Variants in ALG13 observed in about 807,000 individuals in gnomAD.
ALG13 encodes the protein ALG13 UDP-N-acetylglucosaminyltransferase subunit, also known as UDP-N-acetylglucosamine transferase subunit ALG13.
A neutral mutation model predicts 87.8 loss-of-function variants in ALG13; 11 were observed. The observed-to-expected ratio is 0.13, with a 90% CI of 0.08 to 0.21. The LOEUF (loss-of-function observed/expected upper bound fraction) is 0.21. Ranked by LOEUF, ALG13 falls within the 10% of genes least tolerant of loss-of-function variation. ALG13 has a pLI of 1.00. For synonymous variants in ALG13, 320 were observed against 306.3 expected, an observed-to-expected ratio of 1.04 and a Z score of -0.47; for missense variants, 756 against 866.1, an observed-to-expected ratio of 0.87 and a Z score of 1.60.
intron 5 of ALG13, among the ~76,000 whole-genome samples, chrX:111,710,170 A>G (rs958905773): frequency 9.1e-6 from 1 of 109,809 alleles, no homozygotes; most frequent in African/African-American, 3.3e-5. Context: ...ACTTGGGACT[A>G]CAGGCACACG....
intron 24 of ALG13, among the ~76,000 whole-genome samples, chrX:111,747,580 G>A (rs1220415162): frequency 9.0e-6 from 1 of 110,988 alleles, no homozygotes; most frequent in Non-Finnish European, 1.9e-5. Context: ...TCTGCCTCCC[G>A]GGCTCAAGCA....
intron 21 of ALG13, chrX:111,734,263 C>G (rs1168947298): frequency 3.6e-5 from 4 of 112,584 alleles, no homozygotes. Context: ...ACATTTATTT[C>G]TACTTCTTAT....
intron 22 of ALG13, among the ~76,000 whole-genome samples, chrX:111,736,198 G>T (rs1334453439): frequency 9.0e-6 from 1 of 111,510 alleles, no homozygotes; most frequent in Non-Finnish European, 1.9e-5. Context: ...AAGCTACTCA[G>T]GAGGCTGAGG....
rs181327828 is a variant in ALG13 at position 111,757,247 on chromosome X, C to T, written c.2974-341C>T. On this transcript the variant is annotated intron_variant, in intron 25 of 26. Transcript: ENST00000394780. ...TCGTTGCCTGTATAGTATTTCATTACGGGTATATAATTTATCCAGTTCCCT... is the reference window on the plus strand; with the variant it reads ...TCGTTGCCTGTATAGTATTTCATTATGGGTATATAATTTATCCAGTTCCCT... 97 of 153,352 alleles carry T rather than the reference C, an allele frequency of 6.3e-4. No homozygotes were observed. In the East Asian group the frequency reaches 8.6e-3, roughly 14 times the overall value. The allele number at this position is 153,352 out of a possible 1,213,427, so 12.6% of individuals were successfully genotyped here.
intron 23 of ALG13, among the ~76,000 whole-genome samples, chrX:111,743,171 A>G (rs1316022480): frequency 8.9e-6 from 1 of 111,787 alleles, no homozygotes; most frequent in African/African-American, 3.2e-5. Flanking sequence ...ACATTCTACT[A>G]TCTTCAGCTA....
intron 3 of ALG13, among the ~76,000 whole-genome samples, chrX:111,698,255 C>T (rs1415017327): frequency 8.9e-6 from 1 of 111,794 alleles, no homozygotes; most frequent in Non-Finnish European, 1.9e-5. Flanking sequence ...ATTTACACGT[C>T]ACAATTGTAT....
rs114393695 is a variant in ALG13 at position 111,709,242 on chromosome X, A to G, written c.834+194A>G. ...CTAGAATTAGGTTGTTTAGGACTCT[A>G]ATTAAAAATCAAGAATAATCTACAT... On this transcript the variant is annotated intron_variant, in intron 5 of 26. Transcript: ENST00000394780. 0.023 allele frequency among the ~76,000 whole-genome samples: 2,575 copies of G among 112,017 alleles called. 63 individuals carry two copies. Among genetic ancestry groups the G allele is most frequent in the African/African-American group, 0.079 (2,445 of 30,797 alleles).
At chrX:111,686,076 C>A in intron 3 of ALG13, 1 of 789,580 alleles carries the variant, frequency 1.3e-6, no homozygotes. Flanking sequence ...TATTAGAATT[C>A]AACAGGAACT....
At chrX:111,706,509 C>T (rs1938791288) in intron 3 of ALG13, 1 of 112,024 alleles carries the variant, frequency 8.9e-6, no homozygotes, top group Admixed American at 9.5e-5. Context: ...CTAATTCCAG[C>T]ACATTGTGAA....
intron 3 of ALG13, chrX:111,689,472 A>G (rs908376341): frequency 6.6e-6 from 5 of 752,381 alleles, no homozygotes; most frequent in African/African-American, 4.6e-5. Context: ...ATCCTTTGCT[A>G]TCTACTTCCC....
chrX:111,724,837 T>C (rs1387896082), intron 14 of ALG13, 97 bp from the exon 15 acceptor site: 10 of 930,147 alleles, frequency 1.1e-5, no homozygotes, highest in African/African-American at 4.0e-5. Context: ...CAGGTTTTAA[T>C]AGAATACACT....
intron 24 of ALG13, among the ~76,000 whole-genome samples, chrX:111,747,240 C>T (rs1299744289): frequency 1.8e-5 from 2 of 112,027 alleles, no homozygotes; most frequent in African/African-American, 6.5e-5. Context: ...TATTCATCCC[C>T]CAACTCCTGT....
At chrX:111,728,748 A>G (rs908030786) in intron 19 of ALG13, among the ~76,000 whole-genome samples, 1 of 110,486 alleles carries the variant, frequency 9.1e-6, no homozygotes, top group Non-Finnish European at 1.9e-5. Context: ...ATCTATAAAC[A>G]TTACTCTTTA....
At chrX:111,745,124 CTGTTTTGTTT>C (rs756641137) in intron 24 of ALG13, among the ~76,000 whole-genome samples, 10 of 111,100 alleles carry the variant, frequency 9.0e-5, no homozygotes, top group Non-Finnish European at 1.1e-4. Flanking sequence ...ACGTGTGCTG[CTGTTTTGTTT>C]TGTTTTGTTT....
At chrX:111,739,032 G>A (rs2148352677) in intron 23 of ALG13, among the ~76,000 whole-genome samples, 1 of 111,932 alleles carries the variant, frequency 8.9e-6, no homozygotes, top group African/African-American at 3.2e-5. Context: ...CTGAAGTTTT[G>A]TATTAGGTTG....
chrX:111,681,201 G>A lies in ALG13; in HGVS notation c.-18G>A. The A allele has an allele frequency of 1.7e-6, 2 of 1,209,735 alleles. No homozygotes were observed. The highest frequency in any genetic ancestry group is 1.8e-5 in the South Asian group (1 of 56,975). ...GTCATATCCGGCCCTTGCGATCAGG[G>A]CTTGAGGAACCCGCGCCATGAAGTG... On this transcript the variant is annotated 5_prime_UTR_variant, in exon 1 of 27. Coordinates refer to ENST00000394780, the MANE Select transcript of ALG13 (RefSeq NM_001099922.3).
intron 3 of ALG13, among the ~76,000 whole-genome samples, chrX:111,696,459 C>G (rs1038141917): frequency 2.7e-5 from 3 of 111,499 alleles, no homozygotes; most frequent in Non-Finnish European, 5.7e-5. Flanking sequence ...ACCATATTGC[C>G]TCTCAGAAAC....
At chrX:111,716,428 C>T (rs1471235181) in intron 8 of ALG13, among the ~76,000 whole-genome samples, 1 of 112,198 alleles carries the variant, frequency 8.9e-6, no homozygotes, top group East Asian at 2.8e-4. Context: ...CTCTGGTTAA[C>T]TGGATTCCTT....
intron 8 of ALG13, among the ~76,000 whole-genome samples, chrX:111,717,227 G>GA (rs965231757): frequency 2.8e-4 from 30 of 108,836 alleles, no homozygotes; most frequent in Non-Finnish European, 3.8e-4. Flanking sequence ...ATTGTTTTGG[G>GA]AAAAAAAAAC....
Sources: gnomAD v4.1 joint callset for allele counts (sites outside exome capture counted in the v4.1 genomes callset) on GRCh38, gnomAD v4.1.1 for gene constraint, MANE v1.5 for transcripts, NCBI Gene and HGNC (gene_info 2026-07-23, HGNC 2026-07-21) for gene names.